Variants in PCBP3 observed in about 807,000 individuals in gnomAD.
The protein encoded by PCBP3 is poly(rC)-binding protein 3.
In PCBP3, 25 loss-of-function variants were observed where a neutral mutation model predicts 52.7. That is an observed-to-expected ratio of 0.47 (90% CI 0.35 to 0.66). The LOEUF is 0.66. Ranked by LOEUF, PCBP3 falls within the 30% of genes least tolerant of loss-of-function variation. The pLI, the probability that PCBP3 is intolerant of heterozygous loss-of-function variation, is 0.01. For synonymous variants in PCBP3, 162 were observed against 183.0 expected, an observed-to-expected ratio of 0.89 and a Z score of 0.93; for missense variants, 391 against 490.3, an observed-to-expected ratio of 0.80 and a Z score of 1.91.
intron 16 of PCBP3, among the ~76,000 whole-genome samples, chr21:45,938,234 T>C (rs1177192937): frequency 6.6e-6 from 1 of 152,224 alleles, no homozygotes; most frequent in East Asian, 1.9e-4. Flanking sequence ...TTCCGTGCTG[T>C]GCGCTTCAGC....
At chr21:45,815,294 G>C (rs2092872921) in intron 4 of PCBP3, among the ~76,000 whole-genome samples, 1 of 62,458 alleles carries the variant, frequency 1.6e-5, no homozygotes, top group Non-Finnish European at 3.2e-5. Flanking sequence ...GTGATGAGTG[G>C]TGAGTGGTGA....
chr21:45,822,662 G>A (rs1399964340), intron 4 of PCBP3, among the ~76,000 whole-genome samples: 1 of 151,410 alleles, frequency 6.6e-6, no homozygotes, highest in East Asian at 1.9e-4. Flanking sequence ...TTAGGAGAGT[G>A]AGGGGCGGAC....
chr21:45,774,209 C>T (rs1455578833), intron 4 of PCBP3, among the ~76,000 whole-genome samples: 1 of 151,824 alleles, frequency 6.6e-6, no homozygotes, highest in African/African-American at 2.4e-5. Flanking sequence ...TTGAGATCAT[C>T]CTGGCCAACA....
intron 2 of PCBP3, among the ~76,000 whole-genome samples, chr21:45,669,803 GTGTATATATATATATATATA>G (rs1483541522): frequency 3.3e-4 from 18 of 54,396 alleles, no homozygotes; most frequent in Middle Eastern, 0.012. Flanking sequence ...GTGTGTGTGT[GTGTATATATATATATATATA>G]TATATATATA....
intron 13 of PCBP3, among the ~76,000 whole-genome samples, chr21:45,927,731 TG>T (rs1030530469): frequency 1.3e-5 from 2 of 152,104 alleles, no homozygotes; most frequent in African/African-American, 4.8e-5. Flanking sequence ...GAGACATTTT[TG>T]TCATCCGCAG....
chr21:45,797,297 T>C (rs549991351), intron 4 of PCBP3, among the ~76,000 whole-genome samples: 82 of 151,886 alleles, frequency 5.4e-4, no homozygotes, highest in African/African-American at 1.9e-3. Context: ...AGAGAGTGAA[T>C]GCGTGGATGG....
intron 1 of PCBP3, among the ~76,000 whole-genome samples, chr21:45,649,884 T>C (rs1307656727): frequency 2.0e-5 from 3 of 152,106 alleles, no homozygotes; most frequent in African/African-American, 7.2e-5. Context: ...CATGAATAGA[T>C]TTTGAATTTT....
chr21:45,782,824 C>G (rs2090744583), intron 4 of PCBP3, among the ~76,000 whole-genome samples: 1 of 152,220 alleles, frequency 6.6e-6, no homozygotes, highest in Admixed American at 6.5e-5. Flanking sequence ...GTCCATTGCT[C>G]TCCAAGGAGC....
chr21:45,697,839 AT>A, intron 2 of PCBP3, among the ~76,000 whole-genome samples: 1 of 152,042 alleles, frequency 6.6e-6, no homozygotes, highest in African/African-American at 2.4e-5. Flanking sequence ...GCCATGGCTC[AT>A]TTTTGAATCA....
At chr21:45,843,630 T>C (rs1367267071) in intron 4 of PCBP3, among the ~76,000 whole-genome samples, 1 of 152,252 alleles carries the variant, frequency 6.6e-6, no homozygotes, top group Non-Finnish European at 1.5e-5. Flanking sequence ...ATCTCATCTA[T>C]TTCTTATCTG....
chr21:45,853,623 T>C lies in PCBP3; in HGVS notation c.10+3528T>C, dbSNP rs867371992. On this transcript the variant is annotated intron_variant, in intron 5 of 17. Transcript: ENST00000681687. The surrounding 1 kb of genome is among the most constrained non-coding windows in gnomAD (Gnocchi z 4.6). The stretch of plus-strand genomic sequence containing the variant: ...GGTGTTCCTGTCATGGCTGAAGTGT[T>C]TGCATTTGATTTAGTTCTAGGAAGA... Among the ~76,000 whole-genome samples, 6 of 152,158 alleles carry C rather than the reference T, an allele frequency of 3.9e-5. No homozygotes were observed. Among genetic ancestry groups the C allele is most frequent in the Admixed American group, 6.5e-5 (1 of 15,284 alleles).
chr21:45,774,596 C>G (rs1165906534), intron 4 of PCBP3, among the ~76,000 whole-genome samples: 4 of 152,050 alleles, frequency 2.6e-5, no homozygotes, highest in Non-Finnish European at 5.9e-5. Flanking sequence ...TTATCTTCTT[C>G]TAATTCTTAG....
chr21:45,783,078 A>G (rs979603931), intron 4 of PCBP3, among the ~76,000 whole-genome samples: 1 of 152,276 alleles, frequency 6.6e-6, no homozygotes, highest in Admixed American at 6.5e-5. Context: ...CAAGTTTTGG[A>G]AAGCAACATC....
chr21:45,805,005 G>GCTTC lies in PCBP3; in HGVS notation c.-125-44954_-125-44951dup, dbSNP rs1667149845. Reference sequence around the variant, plus strand: ...GAGGGTGTCAGTGACGTAGATAAAGGCTTCCCACTGCCTGGATGCTGTGAC... The same window carrying GCTTC: ...GAGGGTGTCAGTGACGTAGATAAAGGCTTCCTTCCCACTGCCTGGATGCTGTGAC... On this transcript the variant is annotated intron_variant, in intron 4 of 17. Coordinates refer to ENST00000681687, the MANE Select transcript of PCBP3 (RefSeq NM_001384156.1). This position sits in a 1 kb window ranked among gnomAD's most constrained non-coding sequence, Gnocchi z 4.6. Among the ~76,000 whole-genome samples the GCTTC allele has an allele frequency of 6.6e-6, 1 of 152,162 alleles. No individual in the cohort carries two copies. Among genetic ancestry groups the GCTTC allele is most frequent in the Non-Finnish European group, 1.5e-5 (1 of 68,022 alleles).
In PCBP3 at chr21:45,895,419, G is replaced by A. The variant is rs190738795; in HGVS notation, c.11-789G>A. Among the ~76,000 whole-genome samples the A allele has an allele frequency of 1.3e-3, 192 of 152,294 alleles. 2 individuals are homozygous for A. Among genetic ancestry groups the A allele is most frequent in the African/African-American group, 4.1e-3 (172 of 41,576 alleles). ...GGTGTTGCCCTTCAGGGAAGGACTC[G>A]GGATGAGGCTGACTCTGCAGAGCCC... On this transcript the variant is annotated intron_variant, in intron 5 of 17. Transcript: ENST00000681687.
At chr21:45,698,385 G>T (rs1329938133) in intron 2 of PCBP3, among the ~76,000 whole-genome samples, 2 of 152,248 alleles carry the variant, frequency 1.3e-5, no homozygotes, top group Non-Finnish European at 2.9e-5. Flanking sequence ...TGAGGATGGG[G>T]GCTGTCGCCC....
rs2080856921 is a variant in PCBP3 at position 45,667,094 on chromosome 21, CTTTCTTTCTTTCTT to C, written c.-278-1767_-278-1754del. Among the ~76,000 whole-genome samples the C allele has an allele frequency of 2.7e-5, 4 of 150,310 alleles. No individual in the cohort carries two copies. In the South Asian group the frequency reaches 8.4e-4, roughly 32 times the overall value. On this transcript the variant is annotated intron_variant, in intron 1 of 17. Transcript: ENST00000681687. ...CTGTTTGTTCTTTCTTTCTTTCTTT[CTTTCTTTCTTTCTT>C]TTTCTTTCTTTCCCCCTTCCCTTCC...
chr21:45,660,907 G>C (rs921195312), intron 1 of PCBP3, among the ~76,000 whole-genome samples: 1 of 152,118 alleles, frequency 6.6e-6, no homozygotes, highest in Admixed American at 6.6e-5. Context: ...CGGGAGTGGT[G>C]GTGCATGCCT....
chr21:45,876,414 C>T (rs2095257988), intron 5 of PCBP3, among the ~76,000 whole-genome samples: 1 of 152,172 alleles, frequency 6.6e-6, no homozygotes. Flanking sequence ...GACATGAGAC[C>T]AGTGTGGCTG....
Sources: gnomAD v4.1 joint callset for allele counts (sites outside exome capture counted in the v4.1 genomes callset) on GRCh38, gnomAD v4.1.1 for gene constraint, Gnocchi (gnomAD v3.1) non-coding constraint, MANE v1.5 for transcripts, NCBI Gene and HGNC (gene_info 2026-07-23, HGNC 2026-07-21) for gene names.